The following WDFY4 variants were observed in gnomAD, a reference collection of about 807,000 sequenced individuals.
WDFY4 encodes the protein WDFY family member 4, also known as WD repeat- and FYVE domain-containing protein 4.
In WDFY4, 169 loss-of-function variants were observed where a neutral mutation model predicts 351.9. The ratio of observed to expected loss-of-function variants is 0.48; its 90% CI spans 0.42 to 0.55. The LOEUF (loss-of-function observed/expected upper bound fraction) is 0.55, where lower values mean the gene tolerates loss of function less well. Ranked by LOEUF, WDFY4 falls within the 20% of genes least tolerant of loss-of-function variation. The pLI, the probability that WDFY4 is intolerant of heterozygous loss-of-function variation, is 0.00. For synonymous variants in WDFY4, 1,622 were observed against 1,574.6 expected (o/e 1.03, Z -0.71); for missense variants, 3,803 against 3,935.6 (o/e 0.97, Z 0.90).
intron 57 of WDFY4, among the ~76,000 whole-genome samples, chr10:48,971,621 T>C (rs1842340864): frequency 6.6e-6 from 1 of 152,184 alleles, no homozygotes; most frequent in South Asian, 2.1e-4. Flanking sequence ...GTTCTCTGGA[T>C]AATTTTCAAG....
chr10:48,946,218 AG>A (rs1199207427), intron 50 of WDFY4, 61 bp downstream of exon 50: 4 of 1,292,886 alleles, frequency 3.1e-6, no homozygotes. Flanking sequence ...CTAAAATGAT[AG>A]TTGATAACAA....
chr10:48,882,187 G>T (rs2070279276), intron 43 of WDFY4, among the ~76,000 whole-genome samples: 1 of 152,134 alleles, frequency 6.6e-6, no homozygotes, highest in Non-Finnish European at 1.5e-5. Context: ...CATGCCCTGG[G>T]GGAACCTGGG....
chr10:48,968,376 C>G (rs1222547321), intron 55 of WDFY4: 1 of 152,428 alleles, frequency 6.6e-6, no homozygotes, highest in Non-Finnish European at 1.5e-5. Context: ...TGCCACAGTC[C>G]CTTCCCTATG....
intron 35 of WDFY4, chr10:48,824,041 C>T: frequency 1.0e-6 from 1 of 985,428 alleles, no homozygotes; most frequent in African/African-American, 1.7e-5. Context: ...ATTATGGATT[C>T]TTTTCATGGA....
At chr10:48,894,032 T>A (rs1836948582) in intron 44 of WDFY4, among the ~76,000 whole-genome samples, 1 of 152,218 alleles carries the variant, frequency 6.6e-6, no homozygotes, top group African/African-American at 2.4e-5. Flanking sequence ...GGTGTAGTAT[T>A]GTCGAAGACT....
intron 39 of WDFY4, among the ~76,000 whole-genome samples, chr10:48,833,587 T>A (rs2068273355): frequency 1.3e-5 from 2 of 151,786 alleles, no homozygotes; most frequent in Non-Finnish European, 2.9e-5. Flanking sequence ...CATGGGGGAG[T>A]GACGAGGTTC....
chr10:48,939,830 G>A (rs1452156277), intron 47 of WDFY4, among the ~76,000 whole-genome samples: 2 of 152,158 alleles, frequency 1.3e-5, no homozygotes, highest in African/African-American at 4.8e-5. Flanking sequence ...GAAGCTGATA[G>A]CCAATGAAAT....
At chr10:48,859,027 T>G (rs2069242537) in intron 39 of WDFY4, among the ~76,000 whole-genome samples, 1 of 152,150 alleles carries the variant, frequency 6.6e-6, no homozygotes, top group Admixed American at 6.5e-5. Flanking sequence ...TGAAATACAG[T>G]TATTATGTGT....
chr10:48,790,086 G>A (rs2066628905), intron 22 of WDFY4, 101 bp downstream of exon 22: 3 of 1,203,048 alleles, frequency 2.5e-6, no homozygotes, highest in Admixed American at 2.0e-5. Flanking sequence ...AGGATGGAGT[G>A]TGCCAGGGAA....
At position 48,729,487 on chromosome 10, in the gene WDFY4, C is replaced by T. The variant is rs1176132035; in HGVS notation, c.1027C>T (p.Leu343=). The change falls in exon 8 of 62, where the codon CTG becomes TTG. Residue 343 remains leucine (L), a synonymous_variant. Transcript: ENST00000325239. ...VDPHLEELLG[L]VVWLTTCGRS... ...CCCGCATCTGGAGGAGCTCCTTGGG[C>T]TGGTGGTGTGGCTGACAACCTGTGG... 9 of 1,551,540 alleles carry T rather than the reference C, an allele frequency of 5.8e-6. No individual in the cohort carries two copies. Among genetic ancestry groups the T allele is most frequent in the Non-Finnish European group, 7.8e-6 (9 of 1,146,998 alleles).
intron 44 of WDFY4, 113 bp downstream of exon 44, chr10:48,890,840 C>T: frequency 7.0e-7 from 1 of 1,427,108 alleles, no homozygotes; most frequent in Admixed American, 2.1e-5. Context: ...AGATTTGGGC[C>T]TGAAACTGAG....
intron 24 of WDFY4, among the ~76,000 whole-genome samples, chr10:48,799,620 A>C (rs1193698167): frequency 6.6e-6 from 1 of 152,112 alleles, no homozygotes; most frequent in African/African-American, 2.4e-5. Flanking sequence ...TAAAAATACA[A>C]AAATTAGGTG....
intron 11 of WDFY4, among the ~76,000 whole-genome samples, chr10:48,738,753 G>A (rs190369088): frequency 1.3e-4 from 20 of 152,306 alleles, no homozygotes; most frequent in Admixed American, 1.2e-3. Context: ...TCTTTAGAAG[G>A]TGAGAGCCAA....
Position 48,805,311 on chromosome 10 carries a change from G to T in WDFY4, c.4536G>T (p.Lys1512Asn). 1 of 1,547,920 alleles carries T rather than the reference G, an allele frequency of 6.5e-7. No homozygotes were observed. The highest frequency in any genetic ancestry group is 2.4e-5 in the East Asian group (1 of 40,912). Residue 1512 changes from lysine (K) to asparagine (N), a missense_variant, in exon 26 of 62, where the codon AAG becomes AAT. By Grantham distance (94) the Lys-to-Asn change is moderately conservative. Around this residue, in one of 3 missense-constraint regions of WDFY4, gnomAD observed 3,054 missense variants for 3,148.6 expected, o/e 0.97. Coordinates refer to ENST00000325239, the MANE Select transcript of WDFY4 (RefSeq NM_001394531.1). Reference protein sequence around the residue: ...EAAHQAQLIPKLIFLFNEPSL... With the variant: ...EAAHQAQLIPNLIFLFNEPSL... ...CCCACCAGGCACAGCTTATACCCAA[G>T]CTCATCTTCCTATTCAATGAGCCGA... is the stretch of plus-strand genomic sequence containing the variant.
At chr10:48,821,262 C>G in intron 34 of WDFY4, 86 bp downstream of exon 34, 1 of 1,107,262 alleles carries the variant, frequency 9.0e-7, no homozygotes, top group East Asian at 2.6e-5. Context: ...CAGGAACTGA[C>G]CCTAGCTGTG....
At chr10:48,691,778 T>G (rs1284987078) in intron 1 of WDFY4, among the ~76,000 whole-genome samples, 2 of 152,224 alleles carry the variant, frequency 1.3e-5, no homozygotes, top group African/African-American at 4.8e-5. Flanking sequence ...GATAAAGGTA[T>G]GTACACATAA....
rs1467466116 is a variant in WDFY4 at position 48,913,670 on chromosome 10, G to A, written c.7586+11807G>A. ...TTTTCAGCTTGGGGAGCTTGGAGAT[G>A]CTCACGGGGATGTTGTTCAGTAGGT... On this transcript the variant is annotated intron_variant, in intron 47 of 61. Coordinates refer to ENST00000325239, the MANE Select transcript of WDFY4 (RefSeq NM_001394531.1). The A allele has an allele frequency of 6.8e-6, 11 of 1,613,540 alleles. No individual in the cohort carries two copies. The Admixed American group carries it at 1.5e-4, about 22-fold the overall frequency.
At chr10:48,787,954 CTTCTTCT>C (rs2066530201) in intron 20 of WDFY4, among the ~76,000 whole-genome samples, 3 of 121,980 alleles carry the variant, frequency 2.5e-5, no homozygotes, top group African/African-American at 3.4e-5. Context: ...TCTTCTTCTT[CTTCTTCT>C]TCTTCTTCTT....
At chr10:48,888,334 C>T (rs1422788119) in intron 43 of WDFY4, among the ~76,000 whole-genome samples, 4 of 140,268 alleles carry the variant, frequency 2.9e-5, no homozygotes, top group Non-Finnish European at 6.1e-5. Context: ...CTTTCCCTTT[C>T]CTTTTCTTTT....
Sources: gnomAD v4.1 joint callset for allele counts (sites outside exome capture counted in the v4.1 genomes callset) on GRCh38, gnomAD v4.1.1 for gene constraint, gnomAD v4.1.1 regional missense constraint, MANE v1.5 for transcripts, NCBI Gene and HGNC (gene_info 2026-07-23, HGNC 2026-07-21) for gene names.